Variants in NPEPPS observed in about 807,000 individuals in gnomAD.
NPEPPS encodes the protein puromycin-sensitive aminopeptidase.
A neutral mutation model predicts 115.5 loss-of-function variants in NPEPPS; 14 were observed. The ratio of observed to expected loss-of-function variants is 0.12; its 90% CI spans 0.08 to 0.19. NPEPPS has a LOEUF of 0.19. NPEPPS is among the 10% of genes least tolerant of loss of function. The pLI, the probability that NPEPPS is intolerant of heterozygous loss-of-function variation, is 1.00. For missense variants in NPEPPS, 523 were observed against 1,110.8 expected (o/e 0.47, Z 7.52); for synonymous variants, 285 against 390.6 (o/e 0.73, Z 3.19).
chr17:47,585,878 A>G, intron 6 of NPEPPS, 178 bp downstream of exon 6: 1 of 632,028 alleles, frequency 1.6e-6, no homozygotes, highest in Non-Finnish European at 2.7e-6. Flanking sequence ...TTTACAAAAT[A>G]ATAATTAAGA....
At chr17:47,571,080 A>C (rs9635762) in intron 3 of NPEPPS, among the ~76,000 whole-genome samples, 68,245 of 151,994 alleles carry the variant, frequency 0.45, 16,305 homozygotes, top group East Asian at 0.55. Flanking sequence ...CAGGAATGAT[A>C]TATATCTATA....
chr17:47,526,554 G>C (rs900725133), upstream of NPEPPS, among the ~76,000 whole-genome samples: 2 of 152,228 alleles, frequency 1.3e-5, no homozygotes, highest in African/African-American at 4.8e-5. Flanking sequence ...AAAATGATAA[G>C]GACAGTTCAT....
chr17:47,595,913 C>T (rs2143893702), intron 12 of NPEPPS, among the ~76,000 whole-genome samples: 1 of 141,050 alleles, frequency 7.1e-6, no homozygotes, highest in African/African-American at 2.7e-5. Flanking sequence ...ACCTGGGAGG[C>T]AGAAGTTGCA....
intron 15 of NPEPPS, among the ~76,000 whole-genome samples, chr17:47,602,266 CAG>C (rs1337802088): frequency 6.6e-6 from 1 of 152,084 alleles, no homozygotes; most frequent in Non-Finnish European, 1.5e-5. Flanking sequence ...GTATTTACTA[CAG>C]ACTCTTAATT....
At chr17:47,595,929 C>T (rs559049369) in intron 12 of NPEPPS, 1 of 137,348 alleles carries the variant, frequency 7.3e-6, no homozygotes, top group Non-Finnish European at 1.5e-5. Context: ...TTGCAGTGAT[C>T]TTAGATCATG....
intron 18 of NPEPPS, 73 bp from the exon 19 acceptor site, chr17:47,613,596 T>C (rs1914010062): frequency 8.1e-7 from 1 of 1,239,838 alleles, no homozygotes; most frequent in Admixed American, 1.8e-5. Context: ...ACTTGCTTTC[T>C]GTCTTTTCTT....
chr17:47,562,822 C>T (rs1470798251), intron 2 of NPEPPS, among the ~76,000 whole-genome samples: 1 of 149,458 alleles, frequency 6.7e-6, no homozygotes, highest in Non-Finnish European at 1.5e-5. Flanking sequence ...TTTTAAAAAC[C>T]ATTTGTGTTT....
chr17:47,535,371 GA>G (rs1326348463), intron 1 of NPEPPS, among the ~76,000 whole-genome samples: 12 of 147,780 alleles, frequency 8.1e-5, no homozygotes, highest in African/African-American at 2.7e-4. Context: ...CTAACCCAGT[GA>G]AACCCCGCCT....
chr17:47,609,342 C>A (rs529450311), intron 17 of NPEPPS, among the ~76,000 whole-genome samples: 1 of 152,186 alleles, frequency 6.6e-6, no homozygotes, highest in East Asian at 1.9e-4. Context: ...TTGCACTTTT[C>A]TTTCATGATG....
intron 2 of NPEPPS, among the ~76,000 whole-genome samples, chr17:47,556,464 T>A (rs1910042294): frequency 6.6e-6 from 1 of 151,266 alleles, no homozygotes; most frequent in Admixed American, 6.6e-5. Context: ...CAAAATGGAG[T>A]CTCCTATGTC....
intron 2 of NPEPPS, among the ~76,000 whole-genome samples, chr17:47,564,568 A>C (rs1316526137): frequency 6.6e-6 from 1 of 151,388 alleles, no homozygotes; most frequent in East Asian, 1.9e-4. Flanking sequence ...ATTTACATAT[A>C]TATACATTTC....
intron 3 of NPEPPS, among the ~76,000 whole-genome samples, chr17:47,575,354 A>G (rs1660893679): frequency 6.6e-6 from 1 of 152,086 alleles, no homozygotes. Context: ...TATTATTAGT[A>G]TATAAGAGAT....
intron 18 of NPEPPS, among the ~76,000 whole-genome samples, chr17:47,613,202 C>T (rs1567872105): frequency 6.6e-6 from 1 of 151,318 alleles, no homozygotes; most frequent in Non-Finnish European, 1.5e-5. Context: ...TGGTTGCTCA[C>T]AGGCACTGCT....
intron 19 of NPEPPS, among the ~76,000 whole-genome samples, chr17:47,615,064 ACTTT>A (rs1191712842): frequency 1.7e-4 from 24 of 137,216 alleles, no homozygotes; most frequent in Middle Eastern, 3.9e-3. Context: ...TAATAGGTTT[ACTTT>A]CTTTCTTTTT....
intron 19 of NPEPPS, among the ~76,000 whole-genome samples, chr17:47,617,356 TC>T (rs1914269959): frequency 6.6e-6 from 1 of 152,098 alleles, no homozygotes; most frequent in South Asian, 2.1e-4. Context: ...CCAGGGGTTC[TC>T]CCCCACCCCC....
intron 3 of NPEPPS, among the ~76,000 whole-genome samples, chr17:47,575,166 G>A (rs1453386217): frequency 6.6e-6 from 1 of 152,072 alleles, no homozygotes; most frequent in Non-Finnish European, 1.5e-5. Flanking sequence ...CCAGTCTACC[G>A]TCTTCTTTCT....
chr17:47,586,901 C>T, intron 8 of NPEPPS: 4 of 395,788 alleles, frequency 1.0e-5, no homozygotes, highest in South Asian at 6.2e-5. Context: ...CTCCACCACT[C>T]CCCTCATTTA....
Position 47,531,195 on chromosome 17 carries a change from C to T in NPEPPS, c.-106C>T, listed in dbSNP as rs1907726621. On this transcript the variant is annotated 5_prime_UTR_variant, in exon 1 of 23. Coordinates refer to ENST00000322157, the MANE Select transcript of NPEPPS (RefSeq NM_006310.4). ...CCCGTAGGCAGCCCGCCCGCCAGTCCGCCCGCACCGCCTCCTTCCCAGCCC... is the reference window on the plus strand; with the variant it reads ...CCCGTAGGCAGCCCGCCCGCCAGTCTGCCCGCACCGCCTCCTTCCCAGCCC... The T allele has an allele frequency of 3.6e-6, 5 of 1,377,390 alleles. No homozygotes were observed. Among genetic ancestry groups the T allele is most frequent in the African/African-American group, 1.5e-5 (1 of 64,542 alleles). 85.3% of individuals were successfully genotyped at this position (1,377,390 alleles called of 1,614,324 possible).
intron 16 of NPEPPS, 26 bp downstream of exon 16, chr17:47,604,075 T>C (rs1376893814): frequency 6.3e-7 from 1 of 1,594,570 alleles, no homozygotes; most frequent in Non-Finnish European, 8.6e-7. Context: ...TTAAGTAATA[T>C]GATGGATTTT....
Sources: gnomAD v4.1 joint callset for allele counts (sites outside exome capture counted in the v4.1 genomes callset) on GRCh38, gnomAD v4.1.1 for gene constraint, MANE v1.5 for transcripts, NCBI Gene and HGNC (gene_info 2026-07-23, HGNC 2026-07-21) for gene names.